Variants in PPP2R5A observed in about 807,000 individuals in gnomAD.
The protein encoded by PPP2R5A is protein phosphatase 2 regulatory subunit B'alpha.
Under a neutral mutation model 64.2 loss-of-function variants are expected in PPP2R5A, and 25 were observed. That is an observed-to-expected ratio of 0.39 (90% CI 0.28 to 0.54). The LOEUF is 0.54. PPP2R5A is among the 20% of genes least tolerant of loss of function. The pLI is 0.67. For synonymous variants in PPP2R5A, 198 were observed against 201.2 expected (o/e 0.98, Z 0.13); for missense variants, 425 against 576.3 (o/e 0.74, Z 2.69).
intron 3 of PPP2R5A, among the ~76,000 whole-genome samples, chr1:212,335,027 G>A (rs759784181): frequency 6.6e-6 from 1 of 151,666 alleles, no homozygotes; most frequent in Non-Finnish European, 1.5e-5. Flanking sequence ...TGTGTATGTT[G>A]CTATACTTGA....
intron 1 of PPP2R5A, among the ~76,000 whole-genome samples, chr1:212,317,684 A>G (rs1176722538): frequency 6.6e-6 from 1 of 152,122 alleles, no homozygotes; most frequent in Non-Finnish European, 1.5e-5. Context: ...CTAGAGCAGT[A>G]TTTCTTAAAA....
intron 1 of PPP2R5A, among the ~76,000 whole-genome samples, chr1:212,307,531 C>T (rs1216731771): frequency 6.6e-6 from 1 of 152,040 alleles, no homozygotes; most frequent in Admixed American, 6.6e-5. Context: ...CTCCTTTGTG[C>T]TGTTATTAGC....
At chr1:212,295,438 T>G (rs1658676175) in intron 1 of PPP2R5A, among the ~76,000 whole-genome samples, 1 of 152,198 alleles carries the variant, frequency 6.6e-6, no homozygotes, top group African/African-American at 2.4e-5. Flanking sequence ...AGCTGCCTAG[T>G]AGGAAGGCGG....
chr1:212,291,645 C>A (rs991565582), intron 1 of PPP2R5A, among the ~76,000 whole-genome samples: 3 of 152,180 alleles, frequency 2.0e-5, no homozygotes, highest in Non-Finnish European at 2.9e-5. Flanking sequence ...ACATTTCCTG[C>A]CCTGGCTTCA....
intron 1 of PPP2R5A, among the ~76,000 whole-genome samples, chr1:212,303,055 T>C (rs1658827816): frequency 1.3e-5 from 2 of 152,158 alleles, no homozygotes; most frequent in South Asian, 2.1e-4. Context: ...TATGAACATT[T>C]GTATACAAGT....
chr1:212,342,673 A>G (rs949633349), intron 4 of PPP2R5A, among the ~76,000 whole-genome samples: 12 of 152,004 alleles, frequency 7.9e-5, no homozygotes, highest in Admixed American at 2.0e-4. Flanking sequence ...ATGACGGGGG[A>G]AAAAAGGAGT....
At chr1:212,358,637 C>T in intron 11 of PPP2R5A, 49 bp from the exon 12 acceptor site, 1 of 1,346,046 alleles carries the variant, frequency 7.4e-7, no homozygotes, top group Non-Finnish European at 1.1e-6. Context: ...GTTACATTTC[C>T]TCTCTGTTAG....
At chr1:212,337,081 GAT>G (rs1358350251) in intron 3 of PPP2R5A, among the ~76,000 whole-genome samples, 1 of 152,186 alleles carries the variant, frequency 6.6e-6, no homozygotes, top group African/African-American at 2.4e-5. Context: ...AATAAAAAGA[GAT>G]AGAAGAAAGG....
chr1:212,288,380 G>A (rs995897537), intron 1 of PPP2R5A, among the ~76,000 whole-genome samples: 1 of 152,190 alleles, frequency 6.6e-6, no homozygotes, highest in African/African-American at 2.4e-5. Context: ...GTTATATGAT[G>A]TAGGGTTCAA....
intron 2 of PPP2R5A, among the ~76,000 whole-genome samples, chr1:212,330,096 A>G (rs957569986): frequency 6.6e-6 from 1 of 152,234 alleles, no homozygotes; most frequent in Non-Finnish European, 1.5e-5. Context: ...AAAAAACTGC[A>G]GCCAACTTTA....
At chr1:212,294,084 G>A (rs922775419) in intron 1 of PPP2R5A, among the ~76,000 whole-genome samples, 2 of 152,116 alleles carry the variant, frequency 1.3e-5, no homozygotes, top group Admixed American at 6.5e-5. Context: ...CTTAGAACTT[G>A]CAGTTCAGTA....
intron 1 of PPP2R5A, among the ~76,000 whole-genome samples, chr1:212,320,929 G>A (rs1297245759): frequency 1.6e-4 from 17 of 109,486 alleles, no homozygotes; most frequent in African/African-American, 4.4e-4. Context: ...GCGGCTGGCC[G>A]GGCGGGGGGC....
chr1:212,300,452 A>G (rs956595276), intron 1 of PPP2R5A, among the ~76,000 whole-genome samples: 1 of 107,234 alleles, frequency 9.3e-6, no homozygotes, highest in Non-Finnish European at 2.2e-5. Context: ...TTTATTATTT[A>G]TTTATTATTT....
At position 212,286,093 on chromosome 1, in the gene PPP2R5A, A is replaced by G. The variant is rs1012551525; in HGVS notation, c.-18A>G. Reference sequence around the variant, plus strand: ...TTGCAAGCAGCAGCCGGAGCTGCCAAGCGTCAGGGCCGCGGAGATGTCGTC... The same window carrying G: ...TTGCAAGCAGCAGCCGGAGCTGCCAGGCGTCAGGGCCGCGGAGATGTCGTC... On this transcript the variant is annotated 5_prime_UTR_variant, in exon 1 of 13. Transcript: ENST00000261461. 7 of 1,537,706 alleles carry G rather than the reference A, an allele frequency of 4.6e-6. No homozygotes were observed. The highest frequency in any genetic ancestry group is 6.1e-6 in the Non-Finnish European group (7 of 1,146,072).
Position 212,345,787 on chromosome 1 carries a change from C to T in PPP2R5A, c.574-16C>T, listed in dbSNP as rs774184965. ...CGATTATTTTTTAAAAGTAATTTCTCAGGTTTCTTTTAAAGCTCCTGGAGC... is the reference window on the plus strand; with the variant it reads ...CGATTATTTTTTAAAAGTAATTTCTTAGGTTTCTTTTAAAGCTCCTGGAGC... On this transcript the variant is annotated splice_polypyrimidine_tract_variant and intron_variant, in intron 4 of 12. Transcript: ENST00000261461. 6.3e-7 allele frequency: 1 copy of T among 1,576,990 alleles called. No homozygotes were observed. Among genetic ancestry groups the T allele is most frequent in the Non-Finnish European group, 8.6e-7 (1 of 1,169,272 alleles).
chr1:212,289,163 T>C (rs1009648012), intron 1 of PPP2R5A, among the ~76,000 whole-genome samples: 1 of 152,254 alleles, frequency 6.6e-6, no homozygotes, highest in Non-Finnish European at 1.5e-5. Flanking sequence ...TACATTTATA[T>C]AACATTTTAG....
intron 1 of PPP2R5A, among the ~76,000 whole-genome samples, chr1:212,321,894 C>T (rs1244158620): frequency 6.6e-6 from 1 of 151,240 alleles, no homozygotes; most frequent in Admixed American, 6.6e-5. Context: ...CCAGCCTGGG[C>T]ACCATTGAGC....
At chr1:212,343,421 T>C (rs1335792904) in intron 4 of PPP2R5A, among the ~76,000 whole-genome samples, 5 of 152,176 alleles carry the variant, frequency 3.3e-5, no homozygotes, top group African/African-American at 1.2e-4. Context: ...TCAGACCGCT[T>C]TGTATGTGCC....
At chr1:212,317,441 G>A (rs928481185) in intron 1 of PPP2R5A, among the ~76,000 whole-genome samples, 2 of 55,404 alleles carry the variant, frequency 3.6e-5, no homozygotes, top group African/African-American at 1.8e-4. Context: ...ATGCTGTGTA[G>A]TGTGGGATCC....
Sources: gnomAD v4.1 joint callset for allele counts (sites outside exome capture counted in the v4.1 genomes callset) on GRCh38, gnomAD v4.1.1 for gene constraint, MANE v1.5 for transcripts, NCBI Gene and HGNC (gene_info 2026-07-23, HGNC 2026-07-21) for gene names.